The following HS3ST4 variants were observed in gnomAD, a reference collection of about 807,000 sequenced individuals.
The protein encoded by HS3ST4 is heparan sulfate-glucosamine 3-sulfotransferase 4.
HS3ST4 carries 17 observed loss-of-function variants against 29.2 expected under a neutral mutation model. That is an observed-to-expected ratio of 0.58 (90% CI 0.40 to 0.87). The LOEUF (loss-of-function observed/expected upper bound fraction) is 0.87. Among genes scored for constraint, HS3ST4 ranks in the 40% least tolerant of loss-of-function variants. The probability of loss-of-function intolerance (pLI) is 0.00; values close to 1 mark genes in which losing one functional copy is unlikely to be tolerated. For missense variants in HS3ST4, 627 were observed against 634.5 expected, an observed-to-expected ratio of 0.99 and a Z score of 0.13; for synonymous variants, 314 against 285.7, an observed-to-expected ratio of 1.10 and a Z score of -1.00.
chr16:25,860,584 C>T lies in HS3ST4; in HGVS notation c.734+167433C>T, dbSNP rs535230844. ...GAGCCATGAAAAGATATGAAGGAAC[C>T]TTAAATGCATATTACTAAGTGAAGG... On this transcript the variant is annotated intron_variant, in intron 1 of 1. Coordinates refer to ENST00000331351, the MANE Select transcript of HS3ST4 (RefSeq NM_006040.3). 1.1e-4 allele frequency among the ~76,000 whole-genome samples: 17 copies of T among 152,180 alleles called. 1 individual carries two copies. The East Asian group carries it at 3.3e-3, about 29-fold the overall frequency.
chr16:26,084,612 AT>A (rs951683689), intron 1 of HS3ST4, among the ~76,000 whole-genome samples: 25 of 148,452 alleles, frequency 1.7e-4, no homozygotes, highest in Admixed American at 2.7e-4. Flanking sequence ...GTTGAAAAAA[AT>A]TTTTTTTTTT....
chr16:25,848,957 G>A (rs58472782), intron 1 of HS3ST4, among the ~76,000 whole-genome samples: 42,172 of 151,946 alleles, frequency 0.28, 6,502 homozygotes, highest in Admixed American at 0.34. Flanking sequence ...ATTTAGATAT[G>A]TAGGGTTCCA....
At chr16:26,028,503 C>T (rs1969499896) in intron 1 of HS3ST4, among the ~76,000 whole-genome samples, 1 of 152,074 alleles carries the variant, frequency 6.6e-6, no homozygotes, top group Non-Finnish European at 1.5e-5. Context: ...GTCTCCAACT[C>T]CTGGTCTGAG....
chr16:25,929,034 A>G (rs114758961), intron 1 of HS3ST4, among the ~76,000 whole-genome samples: 1,530 of 152,282 alleles, frequency 0.01, 30 homozygotes, highest in African/African-American at 0.035. Context: ...TAGAAAAACT[A>G]GAAAGGAGAA....
chr16:25,864,245 C>T (rs1967670480), intron 1 of HS3ST4, among the ~76,000 whole-genome samples: 1 of 152,150 alleles, frequency 6.6e-6, no homozygotes, highest in Non-Finnish European at 1.5e-5. Context: ...TATGCGTATG[C>T]AATGTGAAAT....
chr16:25,736,907 G>T (rs938165314), intron 1 of HS3ST4, among the ~76,000 whole-genome samples: 2 of 151,998 alleles, frequency 1.3e-5, no homozygotes, highest in African/African-American at 4.8e-5. Context: ...GGAGTGCAGT[G>T]GCGTGATCTC....
intron 1 of HS3ST4, among the ~76,000 whole-genome samples, chr16:26,036,857 T>C (rs1201389446): frequency 1.3e-5 from 2 of 152,090 alleles, no homozygotes; most frequent in Non-Finnish European, 2.9e-5. Flanking sequence ...AAAGAGCTCA[T>C]AGGATGTAAG....
chr16:25,696,403 C>G (rs1190445155), intron 1 of HS3ST4, among the ~76,000 whole-genome samples: 2 of 152,138 alleles, frequency 1.3e-5, no homozygotes, highest in African/African-American at 4.8e-5. Flanking sequence ...GCTGTTTGCT[C>G]TCTCATGGTT....
intron 1 of HS3ST4, among the ~76,000 whole-genome samples, chr16:25,892,782 C>G (rs1968023048): frequency 6.6e-6 from 1 of 152,126 alleles, no homozygotes; most frequent in African/African-American, 2.4e-5. Context: ...AATCTATTCC[C>G]TTCTTAACTC....
chr16:25,988,428 G>C (rs968452989), intron 1 of HS3ST4, among the ~76,000 whole-genome samples: 2 of 152,166 alleles, frequency 1.3e-5, no homozygotes, highest in African/African-American at 4.8e-5. Context: ...CCCTTATTCT[G>C]AGCCAGAGGC....
chr16:25,895,771 T>C (rs1474759022), intron 1 of HS3ST4, among the ~76,000 whole-genome samples: 1 of 151,792 alleles, frequency 6.6e-6, no homozygotes. Context: ...ATCATCTTCC[T>C]TGTGTCTCTT....
chr16:25,918,310 T>C (rs1294248247), intron 1 of HS3ST4, among the ~76,000 whole-genome samples: 2 of 152,190 alleles, frequency 1.3e-5, no homozygotes, highest in Non-Finnish European at 2.9e-5. Flanking sequence ...CTCAGCCTAT[T>C]ATAAAGCAGA....
At chr16:25,769,447 C>A (rs948183626) in intron 1 of HS3ST4, among the ~76,000 whole-genome samples, 2 of 152,170 alleles carry the variant, frequency 1.3e-5, no homozygotes, top group Non-Finnish European at 2.9e-5. Flanking sequence ...AGTCTCACTG[C>A]AGGGCCCTTT....
intron 1 of HS3ST4, among the ~76,000 whole-genome samples, chr16:25,913,305 T>A (rs1968258381): frequency 6.6e-6 from 1 of 152,232 alleles, no homozygotes; most frequent in Non-Finnish European, 1.5e-5. Flanking sequence ...GGGAGGCTAT[T>A]AGGTCACAAG....
chr16:25,715,892 T>C (rs1596551321), intron 1 of HS3ST4, among the ~76,000 whole-genome samples: 1 of 152,182 alleles, frequency 6.6e-6, no homozygotes, highest in Admixed American at 6.5e-5. Context: ...CAGCACCTTG[T>C]ATATATCCAG....
intron 1 of HS3ST4, chr16:26,032,564 G>T: frequency 7.0e-7 from 1 of 1,429,696 alleles, no homozygotes; most frequent in East Asian, 2.3e-5. Flanking sequence ...AGCACCTTCA[G>T]CTTTCTGTGC....
chr16:25,912,227 A>G (rs772410278), intron 1 of HS3ST4, among the ~76,000 whole-genome samples: 2 of 152,096 alleles, frequency 1.3e-5, no homozygotes, highest in African/African-American at 2.4e-5. Flanking sequence ...GAATCTACCA[A>G]TATCCTCAGG....
intron 1 of HS3ST4, among the ~76,000 whole-genome samples, chr16:26,091,471 G>A (rs149739914): frequency 8.0e-4 from 122 of 152,150 alleles, no homozygotes; most frequent in African/African-American, 2.5e-3. Flanking sequence ...GCTTCTTGCC[G>A]TTCCAAGGTG....
chr16:25,799,307 AT>A (rs778283241), intron 1 of HS3ST4, among the ~76,000 whole-genome samples: 7 of 152,070 alleles, frequency 4.6e-5, no homozygotes, highest in Non-Finnish European at 1.0e-4. Context: ...TGCTGGTTGG[AT>A]TTTGTAGAGC....
Sources: allele counts gnomAD v4.1 joint callset (sites outside exome capture counted in the v4.1 genomes callset), GRCh38; gene constraint gnomAD v4.1.1; transcripts MANE v1.5; gene names NCBI Gene and HGNC (gene_info 2026-07-23, HGNC 2026-07-21).